EYA1: variants seen among roughly 807,000 people sequenced by gnomAD.
EYA1 encodes the protein EYA transcriptional coactivator and phosphatase 1, also known as protein phosphatase EYA1.
A neutral mutation model predicts 82.0 loss-of-function variants in EYA1; 16 were observed. The observed-to-expected ratio is 0.20, with a 90% CI of 0.13 to 0.30. The LOEUF (loss-of-function observed/expected upper bound fraction) is 0.30, where lower values mean the gene tolerates loss of function less well. EYA1 is among the 10% of genes least tolerant of loss of function. The pLI is 1.00. For missense variants in EYA1, 633 were observed against 730.7 expected, an observed-to-expected ratio of 0.87 and a Z score of 1.54; for synonymous variants, 261 against 264.4, an observed-to-expected ratio of 0.99 and a Z score of 0.12.
intron 17 of EYA1, among the ~76,000 whole-genome samples, chr8:71,208,114 C>A (rs1185435203): frequency 1.3e-5 from 2 of 152,148 alleles, no homozygotes; most frequent in Non-Finnish European, 2.9e-5. Flanking sequence ...AAATTATGAA[C>A]CTCAGCCTGT....
chr8:71,347,885 C>CAAAAAAAA (rs5892271), intron 3 of EYA1, among the ~76,000 whole-genome samples: 1 of 80,842 alleles, frequency 1.2e-5, no homozygotes, highest in East Asian at 4.4e-4. Context: ...TGGAGGCATG[C>CAAAAAAAA]AAAAAAAAAA....
chr8:71,304,309 A>G (rs1003813789), intron 7 of EYA1, among the ~76,000 whole-genome samples: 3 of 142,802 alleles, frequency 2.1e-5, no homozygotes, highest in Admixed American at 2.1e-4. Flanking sequence ...TGCCAGAGGT[A>G]ATAAGCAACT....
At chr8:71,440,128 C>A (rs1806305114) in intron 2 of EYA1, among the ~76,000 whole-genome samples, 1 of 152,076 alleles carries the variant, frequency 6.6e-6, no homozygotes, top group South Asian at 2.1e-4. Flanking sequence ...ATGAAAATAG[C>A]CTATGAAAAT....
At chr8:71,406,681 C>G (rs777489174) in intron 2 of EYA1, among the ~76,000 whole-genome samples, 2 of 152,164 alleles carry the variant, frequency 1.3e-5, no homozygotes, top group Admixed American at 6.5e-5. Context: ...TAAAAAACCG[C>G]TCACCAGGAG....
intron 2 of EYA1, among the ~76,000 whole-genome samples, chr8:71,475,292 G>A (rs1361938553): frequency 6.6e-6 from 1 of 152,152 alleles, no homozygotes; most frequent in African/African-American, 2.4e-5. Flanking sequence ...GTTCCGAAGA[G>A]GTAAATAAAT....
intron 2 of EYA1, among the ~76,000 whole-genome samples, chr8:71,528,515 C>A (rs1189284403): frequency 6.6e-6 from 1 of 152,282 alleles, no homozygotes; most frequent in South Asian, 2.1e-4. Flanking sequence ...TCCTGGGCTC[C>A]TTTACTGTGC....
intron 2 of EYA1, among the ~76,000 whole-genome samples, chr8:71,506,583 A>C (rs997538526): frequency 6.6e-5 from 10 of 152,204 alleles, no homozygotes; most frequent in African/African-American, 2.4e-4. Flanking sequence ...CTCTGAGTGT[A>C]AAAAGGGTTT....
chr8:71,375,920 C>T (rs1828346146), intron 2 of EYA1, among the ~76,000 whole-genome samples: 1 of 152,112 alleles, frequency 6.6e-6, no homozygotes, highest in African/African-American at 2.4e-5. Flanking sequence ...TGAGCCACCA[C>T]ACCTGGACAA....
At chr8:71,365,765 C>T (rs909946712), upstream of EYA1, among the ~76,000 whole-genome samples, 15 of 152,104 alleles carry the variant, frequency 9.9e-5, no homozygotes, top group African/African-American at 3.6e-4. Flanking sequence ...CTGCTCTTTC[C>T]CCACCAGCAT....
At chr8:71,515,882 C>G (rs1812939668) in intron 2 of EYA1, among the ~76,000 whole-genome samples, 1 of 152,068 alleles carries the variant, frequency 6.6e-6, no homozygotes, top group South Asian at 2.1e-4. Flanking sequence ...ATGAATATGA[C>G]AAAGTATGTC....
intron 2 of EYA1, among the ~76,000 whole-genome samples, chr8:71,457,022 G>T (rs550578600): frequency 2.0e-4 from 30 of 152,036 alleles, no homozygotes; most frequent in Admixed American, 4.6e-4. Context: ...CTGACAAAGG[G>T]CTAATATCCA....
intron 17 of EYA1, among the ~76,000 whole-genome samples, chr8:71,205,462 G>A (rs756185237): frequency 3.3e-5 from 5 of 152,040 alleles, no homozygotes; most frequent in Non-Finnish European, 5.9e-5. Context: ...AAAGACATAC[G>A]TCAAAGGAAG....
chr8:71,313,321 A>G (rs1821559725), intron 7 of EYA1, among the ~76,000 whole-genome samples: 1 of 152,100 alleles, frequency 6.6e-6, no homozygotes, highest in Admixed American at 6.5e-5. Flanking sequence ...GGTTTCTTAA[A>G]GTTCTCTTTC....
At chr8:71,500,747 G>C (rs761215446) in intron 2 of EYA1, among the ~76,000 whole-genome samples, 25 of 152,072 alleles carry the variant, frequency 1.6e-4, no homozygotes, top group Non-Finnish European at 7.4e-5. Flanking sequence ...TACAGCATAT[G>C]AGTTTTTATG....
At chr8:71,497,322 G>T (rs114498492) in intron 2 of EYA1, among the ~76,000 whole-genome samples, 1 of 152,190 alleles carries the variant, frequency 6.6e-6, no homozygotes, top group Non-Finnish European at 1.5e-5. Context: ...CGGGCCATGG[G>T]TTGGATAAGC....
At chr8:71,263,548 C>A (rs966363748) in intron 11 of EYA1, among the ~76,000 whole-genome samples, 3 of 152,158 alleles carry the variant, frequency 2.0e-5, no homozygotes, top group East Asian at 1.9e-4. Flanking sequence ...GGGCCCCAGG[C>A]GCATGTATGC....
intron 9 of EYA1, among the ~76,000 whole-genome samples, chr8:71,282,184 C>A (rs926523923): frequency 6.6e-6 from 1 of 152,178 alleles, no homozygotes; most frequent in Non-Finnish European, 1.5e-5. Flanking sequence ...AAGGCCAACC[C>A]CTCCTTTTGG....
chr8:71,224,850 C>T (rs1810370344), intron 12 of EYA1, among the ~76,000 whole-genome samples: 8 of 152,190 alleles, frequency 5.3e-5, no homozygotes, highest in Admixed American at 5.2e-4. Context: ...CTCAACTCTC[C>T]AGATATTTTC....
intron 12 of EYA1, chr8:71,225,155 T>C (rs374869441): frequency 1.3e-5 from 6 of 452,012 alleles, no homozygotes; most frequent in African/African-American, 1.2e-4. Flanking sequence ...TACTTACTGA[T>C]GCAGAACAGC....
Sources: gnomAD v4.1 joint callset for allele counts (sites outside exome capture counted in the v4.1 genomes callset) on GRCh38, gnomAD v4.1.1 for gene constraint, MANE v1.5 for transcripts, NCBI Gene and HGNC (gene_info 2026-07-23, HGNC 2026-07-21) for gene names.